The following FBLN5 variants were observed in gnomAD, a reference collection of about 807,000 sequenced individuals.
FBLN5 encodes fibulin 5.
FBLN5 carries 24 observed loss-of-function variants against 61.6 expected under a neutral mutation model. The observed-to-expected ratio is 0.39, with a 90% confidence interval of 0.28 to 0.55. The LOEUF is 0.55. Ranked by LOEUF, FBLN5 falls within the 20% of genes least tolerant of loss-of-function variation. FBLN5 has a pLI of 0.65. For missense variants in FBLN5, 470 were observed against 594.1 expected, an observed-to-expected ratio of 0.79 and a Z score of 2.17; for synonymous variants, 213 against 219.8, an observed-to-expected ratio of 0.97 and a Z score of 0.27.
At chr14:91,911,374 G>T (rs527463940) in intron 4 of FBLN5, among the ~76,000 whole-genome samples, 7 of 152,208 alleles carry the variant, frequency 4.6e-5, no homozygotes, top group Non-Finnish European at 7.3e-5. Context: ...AGTTGATAAT[G>T]ATGGTAGTTA....
chr14:91,888,488 A>G (rs1022070386), intron 6 of FBLN5, among the ~76,000 whole-genome samples: 1 of 151,492 alleles, frequency 6.6e-6, no homozygotes, highest in African/African-American at 2.4e-5. Context: ...AGGTGCCTGT[A>G]ATCACAGCTA....
chr14:91,884,119 G>A (rs538775665), intron 7 of FBLN5, among the ~76,000 whole-genome samples: 41 of 152,262 alleles, frequency 2.7e-4, no homozygotes, highest in African/African-American at 8.4e-4. Context: ...GGGTGTCAAC[G>A]CAAAAGAAGC....
rs774458799 is a variant in FBLN5 at position 91,887,280 on chromosome 14, C to A, written c.652G>T (p.Val218Leu). 6.2e-6 allele frequency: 10 copies of A among 1,613,316 alleles called. No individual in the cohort carries two copies. The East Asian group carries it at 2.2e-4, about 36-fold the overall frequency. Residue 218 changes from valine (V) to leucine (L), a missense_variant, in exon 7 of 11, where the codon GTG becomes TTG. By Grantham distance (32) the Val-to-Leu change is conservative. Transcript: ENST00000342058. ...CCGTAGGTGTTGACGCAGGTTTGCA[C>A]GCAGGGGTTCTCGGTGGCACACTCG... ...VNECATENPC[V>L]QTCVNTYGSF...
rs144216002 is a variant in FBLN5 at position 91,906,190 on chromosome 14, T to C, written c.380-11118A>G. On this transcript the variant is annotated intron_variant, in intron 4 of 10. Coordinates refer to ENST00000342058, the MANE Select transcript of FBLN5 (RefSeq NM_006329.4). ...GCATGACCATGCCCGACTGAGAATA[T>C]GAACTTTTTGGTTACAGACCAACCC... Among the ~76,000 whole-genome samples, 73 of 152,290 alleles carry C rather than the reference T, an allele frequency of 4.8e-4. 2 individuals carry two copies. The East Asian group carries it at 0.013, about 26-fold the overall frequency.
chr14:91,946,760 G>A (rs2056191278), intron 1 of FBLN5: 5 of 1,536,012 alleles, frequency 3.3e-6, no homozygotes, highest in Non-Finnish European at 4.4e-6. Flanking sequence ...AAACTTCTGT[G>A]AGAATCCCAC....
Position 91,888,916 on chromosome 14 carries a change from C to G in FBLN5, c.620-1604G>C, listed in dbSNP as rs185221619. The stretch of plus-strand genomic sequence containing the variant: ...AAGTTCCAACTGAGAGATTTTCTAT[C>G]CTCTTCCCAAGTCCATGTAAACCTC... On this transcript the variant is annotated intron_variant, in intron 6 of 10. Coordinates refer to ENST00000342058, the MANE Select transcript of FBLN5 (RefSeq NM_006329.4). Among the ~76,000 whole-genome samples, 294 of 152,274 alleles carry G rather than the reference C, an allele frequency of 1.9e-3. 5 individuals carry two copies. The highest frequency in any genetic ancestry group is 0.017 in the Admixed American group (266 of 15,304).
chr14:91,927,262 C>A (rs907435308), intron 4 of FBLN5, among the ~76,000 whole-genome samples: 1 of 152,204 alleles, frequency 6.6e-6, no homozygotes, highest in African/African-American at 2.4e-5. Context: ...TTACTTCTTT[C>A]ATTTAACATC....
intron 4 of FBLN5, among the ~76,000 whole-genome samples, chr14:91,911,803 G>GAAA (rs55665890): frequency 3.5e-5 from 5 of 141,180 alleles, no homozygotes; most frequent in Non-Finnish European, 3.0e-5. Flanking sequence ...GGAAAAGACG[G>GAAA]AAAAAAAAAA....
chr14:91,888,298 C>CAA (rs531323572), intron 6 of FBLN5, among the ~76,000 whole-genome samples: 3 of 146,328 alleles, frequency 2.1e-5, no homozygotes, highest in Non-Finnish European at 4.5e-5. Context: ...GACCCTGTCT[C>CAA]AAAAAAAAAT....
At chr14:91,904,508 A>T (rs1224761686) in intron 4 of FBLN5, among the ~76,000 whole-genome samples, 1 of 152,240 alleles carries the variant, frequency 6.6e-6, no homozygotes, top group Non-Finnish European at 1.5e-5. Flanking sequence ...CTAAAATACT[A>T]TGCGTGTCTT....
At position 91,869,649 on chromosome 14, in the gene FBLN5, T is replaced by G. The variant is rs1888826507; in HGVS notation, c.*575A>C. 6.2e-6 allele frequency: 1 copy of G among 160,256 alleles called. No individual in the cohort carries two copies. Among genetic ancestry groups the G allele is most frequent in the Non-Finnish European group, 1.4e-5 (1 of 72,444 alleles). 9.9% of individuals were successfully genotyped at this position (160,256 alleles called of 1,614,324 possible). ...ACAGAATTAAACCGTTATACAAATT[T>G]AAGGACAACTGAAACTTCTTTTATG... On this transcript the variant is annotated 3_prime_UTR_variant, in exon 11 of 11. Transcript: ENST00000342058.
At chr14:91,906,638 G>A (rs752544314) in intron 4 of FBLN5, among the ~76,000 whole-genome samples, 2 of 152,246 alleles carry the variant, frequency 1.3e-5, no homozygotes, top group Non-Finnish European at 2.9e-5. Flanking sequence ...GCTGAGGAAT[G>A]GGGCTGCCCT....
intron 10 of FBLN5, 34 bp from the exon 11 acceptor site, chr14:91,870,419 AG>A: frequency 6.2e-7 from 1 of 1,611,670 alleles, no homozygotes; most frequent in Non-Finnish European, 8.5e-7. Flanking sequence ...CAGTGAGAAA[AG>A]GCCTGCATGG....
chr14:91,926,729 C>T (rs146624488), intron 4 of FBLN5, among the ~76,000 whole-genome samples: 1 of 151,638 alleles, frequency 6.6e-6, no homozygotes, highest in African/African-American at 2.4e-5. Flanking sequence ...GTAAAGCAAA[C>T]AGAGTTGCTG....
chr14:91,944,367 G>A (rs1950010993), intron 1 of FBLN5, among the ~76,000 whole-genome samples: 1 of 152,220 alleles, frequency 6.6e-6, no homozygotes, highest in South Asian at 2.1e-4. Context: ...GTGTAAATAT[G>A]GTGCAGTCTC....
intron 2 of FBLN5, among the ~76,000 whole-genome samples, chr14:91,942,461 T>A (rs1205443610): frequency 6.6e-6 from 1 of 152,262 alleles, no homozygotes; most frequent in Non-Finnish European, 1.5e-5. Flanking sequence ...TATTTTACTT[T>A]TCAACACTGA....
intron 3 of FBLN5, chr14:91,939,874 A>G: frequency 2.3e-6 from 1 of 439,046 alleles, no homozygotes; most frequent in Non-Finnish European, 4.5e-6. Context: ...GTTATCCTGG[A>G]TTTTCTGGGT....
At chr14:91,922,022 A>T (rs1406111002) in intron 4 of FBLN5, among the ~76,000 whole-genome samples, 2 of 152,194 alleles carry the variant, frequency 1.3e-5, no homozygotes, top group African/African-American at 4.8e-5. Flanking sequence ...ATGAAGGGGC[A>T]GACAGGCGCG....
At chr14:91,942,860 C>G in intron 2 of FBLN5, 47 bp downstream of exon 2, 1 of 1,299,386 alleles carries the variant, frequency 7.7e-7, no homozygotes, top group African/African-American at 1.5e-5. Flanking sequence ...TCCCTCACCC[C>G]GGATTTTAAT....
Sources: gnomAD v4.1 joint callset for allele counts (sites outside exome capture counted in the v4.1 genomes callset) on GRCh38, gnomAD v4.1.1 for gene constraint, MANE v1.5 for transcripts, NCBI Gene and HGNC (gene_info 2026-07-23, HGNC 2026-07-21) for gene names.